The following FBXL17 variants were observed in gnomAD, a reference collection of about 807,000 sequenced individuals.
The protein encoded by FBXL17 is F-box and leucine rich repeat protein 17, also known as F-box/LRR-repeat protein 17.
FBXL17 carries 22 observed loss-of-function variants against 66.2 expected under a neutral mutation model. That is an observed-to-expected ratio of 0.33 (90% confidence interval 0.24 to 0.47). The LOEUF (loss-of-function observed/expected upper bound fraction) is 0.47, where lower values mean the gene tolerates loss of function less well. FBXL17 is among the 20% of genes least tolerant of loss of function. The probability of loss-of-function intolerance (pLI) is 1.00; values close to 1 mark genes in which losing one functional copy is unlikely to be tolerated. For missense variants in FBXL17, 878 were observed against 948.2 expected, an observed-to-expected ratio of 0.93 and a Z score of 0.97; for synonymous variants, 474 against 400.5, an observed-to-expected ratio of 1.18 and a Z score of -2.19.
chr5:108,265,915 G>C (rs867250817), intron 4 of FBXL17, among the ~76,000 whole-genome samples: 1 of 152,076 alleles, frequency 6.6e-6, no homozygotes, highest in South Asian at 2.1e-4. Flanking sequence ...AGTAAGGTTC[G>C]ACACTACAAT....
chr5:108,012,182 C>G (rs1019233720), intron 7 of FBXL17, among the ~76,000 whole-genome samples: 1 of 152,112 alleles, frequency 6.6e-6, no homozygotes, highest in Non-Finnish European at 1.5e-5. Context: ...ATAGGTAATA[C>G]TACTTCTTTC....
intron 4 of FBXL17, among the ~76,000 whole-genome samples, chr5:108,300,344 ATATT>A (rs1758532231): frequency 6.6e-6 from 1 of 151,898 alleles, no homozygotes; most frequent in African/African-American, 2.4e-5. Flanking sequence ...TTCTACTTCT[ATATT>A]TAGTTCAAAG....
intron 4 of FBXL17, among the ~76,000 whole-genome samples, chr5:108,279,556 A>G (rs1428394646): frequency 6.6e-6 from 1 of 151,754 alleles, no homozygotes; most frequent in African/African-American, 2.4e-5. Context: ...TCTTCAGGAA[A>G]AAAAAAAAAA....
intron 4 of FBXL17, among the ~76,000 whole-genome samples, chr5:108,300,609 GT>G (rs1430929660): frequency 1.3e-5 from 2 of 151,692 alleles, no homozygotes; most frequent in East Asian, 3.9e-4. Flanking sequence ...AGAAGAAATA[GT>G]TTTATTTCAC....
chr5:108,346,144 T>C (rs1012744851), intron 4 of FBXL17, among the ~76,000 whole-genome samples: 18 of 152,142 alleles, frequency 1.2e-4, no homozygotes, highest in Admixed American at 2.0e-4. Context: ...TTTCTCTTTA[T>C]TTCATAAATT....
chr5:108,150,388 G>A (rs1237449802), intron 6 of FBXL17, among the ~76,000 whole-genome samples: 1 of 152,056 alleles, frequency 6.6e-6, no homozygotes, highest in Non-Finnish European at 1.5e-5. Context: ...ACTTTTTGCA[G>A]AGATAGGGTC....
Position 108,381,190 on chromosome 5 carries a change from G to C in FBXL17, c.502C>G (p.Arg168Gly). The change falls in exon 1 of 9, where the codon CGC becomes GGC. Residue 168 changes from arginine to glycine, a missense_variant. Around this residue, in one of 4 missense-constraint regions of FBXL17, gnomAD observed 605 missense variants for 509.5 expected, o/e 1.19. Coordinates refer to ENST00000542267, the MANE Select transcript of FBXL17 (RefSeq NM_001163315.3). ...ACGGCGGCGGGCGGCCCCAGGAAGC[G>C]CACCGGCCCCAAGCTGGCCAGGAAG... is the stretch of plus-strand genomic sequence containing the variant. ...SLFLASLGPV[R>G]FLGPPAAVQL... is the part of the protein sequence containing the mutation. The C allele has an allele frequency of 7.0e-7, 1 of 1,438,822 alleles. No homozygotes were observed. The highest frequency in any genetic ancestry group is 9.1e-7 in the Non-Finnish European group (1 of 1,097,532). 89.1% of individuals were successfully genotyped at this position (1,438,822 alleles called of 1,614,324 possible). A position where few individuals can be genotyped will look rare whatever the true frequency, so the allele number is the denominator to read the frequency against.
chr5:107,905,350 A>G (rs1221496394), intron 7 of FBXL17, among the ~76,000 whole-genome samples: 2 of 152,154 alleles, frequency 1.3e-5, no homozygotes, highest in African/African-American at 2.4e-5. Flanking sequence ...TTCTAAAAAG[A>G]GCTTATCCCA....
chr5:107,975,857 G>GTT (rs1554053909), intron 7 of FBXL17, among the ~76,000 whole-genome samples: 17 of 79,902 alleles, frequency 2.1e-4, no homozygotes, highest in South Asian at 1.5e-3. Context: ...TGTTGTTGTT[G>GTT]TTTTTTTTTT....
In FBXL17 at chr5:107,932,638, C is replaced by A. The variant is rs1044230662; in HGVS notation, c.1823-51459G>T. On this transcript the variant is annotated intron_variant, in intron 7 of 8. Transcript: ENST00000542267. Reference sequence around the variant, plus strand: ...CTAAACAGTCTTTCTTCTCCTTTAGCATACGGTGAAAAAATTTCAAGAATC... The same window carrying A: ...CTAAACAGTCTTTCTTCTCCTTTAGAATACGGTGAAAAAATTTCAAGAATC... Among the ~76,000 whole-genome samples, 5 of 152,036 alleles carry A rather than the reference C, an allele frequency of 3.3e-5. 1 individual carries two copies. Among genetic ancestry groups the A allele is most frequent in the African/African-American group, 1.2e-4 (5 of 41,386 alleles).
At chr5:108,046,019 T>G (rs1747241696) in intron 6 of FBXL17, among the ~76,000 whole-genome samples, 1 of 152,230 alleles carries the variant, frequency 6.6e-6, no homozygotes, top group Non-Finnish European at 1.5e-5. Context: ...TGCTGATATT[T>G]TCTAATTGTT....
At chr5:108,340,827 A>G (rs923289686) in intron 4 of FBXL17, among the ~76,000 whole-genome samples, 4 of 152,182 alleles carry the variant, frequency 2.6e-5, no homozygotes, top group African/African-American at 9.7e-5. Flanking sequence ...ATATTCCAAC[A>G]CTAGGAGGGA....
intron 7 of FBXL17, among the ~76,000 whole-genome samples, chr5:107,965,835 A>G (rs1205308557): frequency 6.6e-6 from 1 of 152,174 alleles, no homozygotes; most frequent in Non-Finnish European, 1.5e-5. Flanking sequence ...ATATGTTCCC[A>G]ATACAAATAT....
At chr5:108,295,449 G>C (rs373025048) in intron 4 of FBXL17, among the ~76,000 whole-genome samples, 1 of 151,860 alleles carries the variant, frequency 6.6e-6, no homozygotes, top group East Asian at 1.9e-4. Context: ...AAGGGCTAGG[G>C]AATTAAGTAA....
intron 5 of FBXL17, among the ~76,000 whole-genome samples, chr5:108,212,245 G>C (rs1413398419): frequency 6.6e-6 from 1 of 152,092 alleles, no homozygotes; most frequent in African/African-American, 2.4e-5. Context: ...CTTTTTTCAA[G>C]GTTCTTAGCT....
At chr5:108,224,416 T>A (rs1380298675) in intron 4 of FBXL17, among the ~76,000 whole-genome samples, 188 bp from the exon 5 acceptor site, 1 of 151,976 alleles carries the variant, frequency 6.6e-6, no homozygotes, top group Non-Finnish European at 1.5e-5. Flanking sequence ...TGACCCTACA[T>A]CCACTTCTTA....
intron 4 of FBXL17, chr5:108,299,859 A>G (rs1444693704): frequency 1.0e-6 from 1 of 983,398 alleles, no homozygotes; most frequent in Non-Finnish European, 1.2e-6. Flanking sequence ...GGTAGATGCC[A>G]TGGAAAAATC....
chr5:108,024,326 T>C lies in FBXL17; in HGVS notation c.1746-3325A>G, dbSNP rs545498834. Among the ~76,000 whole-genome samples, 3 of 152,250 alleles carry C rather than the reference T, an allele frequency of 2.0e-5. No homozygotes were observed. In the South Asian group the frequency reaches 6.2e-4, roughly 32 times the overall value. On this transcript the variant is annotated intron_variant, in intron 6 of 8. Transcript: ENST00000542267. ...GTAGCTCATGAATGTCAAGCACAAT[T>C]AAGATTACTAAACCCTAAGGAGAGA... is the stretch of plus-strand genomic sequence containing the variant.
chr5:108,297,606 C>T (rs564372368), intron 4 of FBXL17: 212 of 158,076 alleles, frequency 1.3e-3, no homozygotes, highest in Middle Eastern at 3.3e-3. Flanking sequence ...ATACCTTCAA[C>T]GAGAATTTTA....
Sources: gnomAD v4.1 joint callset for allele counts (sites outside exome capture counted in the v4.1 genomes callset) on GRCh38, gnomAD v4.1.1 for gene constraint, gnomAD v4.1.1 regional missense constraint, MANE v1.5 for transcripts, NCBI Gene and HGNC (gene_info 2026-07-23, HGNC 2026-07-21) for gene names.